GLDC: variants seen among roughly 807,000 people sequenced by gnomAD.
GLDC encodes the protein glycine dehydrogenase (decarboxylating), mitochondrial.
In GLDC, 104 loss-of-function variants were observed where a neutral mutation model predicts 121.3. That is an observed-to-expected ratio of 0.86 (90% CI 0.73 to 1.01). The LOEUF is 1.01. GLDC is among the 50% of genes least tolerant of loss of function. The pLI is 0.00. For missense variants in GLDC, 1,429 were observed against 1,306.6 expected (o/e 1.09, Z -1.44); for synonymous variants, 546 against 480.6 (o/e 1.14, Z -1.78).
intron 4 of GLDC, among the ~76,000 whole-genome samples, chr9:6,608,370 C>T (rs1430122970): frequency 1.5e-5 from 2 of 131,686 alleles, no homozygotes; most frequent in Non-Finnish European, 3.3e-5. Flanking sequence ...TGCAGTGAGC[C>T]GAGATAGCGC....
intron 21 of GLDC, among the ~76,000 whole-genome samples, chr9:6,542,744 G>C (rs1817295114): frequency 6.6e-6 from 1 of 151,892 alleles, no homozygotes; most frequent in African/African-American, 2.4e-5. Flanking sequence ...AAATTAGCTA[G>C]GTGCAGTTGT....
intron 15 of GLDC, 166 bp from the exon 16 acceptor site, chr9:6,565,595 T>G: frequency 1.4e-6 from 1 of 698,310 alleles, no homozygotes. Context: ...TCAAAAGGTC[T>G]TGAACAATCA....
chr9:6,644,977 C>T (rs752827432), intron 1 of GLDC: 2 of 610,820 alleles, frequency 3.3e-6, no homozygotes, highest in Non-Finnish European at 5.8e-6. Context: ...AAGTTTAGGT[C>T]CATCCACAGG....
At chr9:6,640,055 A>G (rs868577253) in intron 2 of GLDC, among the ~76,000 whole-genome samples, 4 of 152,274 alleles carry the variant, frequency 2.6e-5, no homozygotes, top group Non-Finnish European at 4.4e-5. Flanking sequence ...AAATCCTCAG[A>G]CAGCTTCCCT....
chr9:6,576,919 G>C (rs988070895), intron 15 of GLDC, among the ~76,000 whole-genome samples: 1 of 152,098 alleles, frequency 6.6e-6, no homozygotes, highest in Non-Finnish European at 1.5e-5. Flanking sequence ...AACATGACTT[G>C]GTAGGAAGCC....
intron 24 of GLDC, 21 bp downstream of exon 24, chr9:6,534,687 A>G (rs372931050): frequency 2.2e-6 from 3 of 1,374,862 alleles, no homozygotes; most frequent in African/African-American, 2.8e-5. Context: ...CAGCTGGCAC[A>G]TTCAGATTCA....
chr9:6,593,144 T>C, intron 9 of GLDC, 154 bp from the exon 10 acceptor site: 1 of 712,994 alleles, frequency 1.4e-6, no homozygotes, highest in Non-Finnish European at 2.5e-6. Flanking sequence ...TAAACATGTT[T>C]ATTATCATGC....
intron 15 of GLDC, among the ~76,000 whole-genome samples, chr9:6,581,004 C>G (rs1262320278): frequency 6.6e-6 from 1 of 152,174 alleles, no homozygotes; most frequent in Non-Finnish European, 1.5e-5. Context: ...ATAAAATGAC[C>G]GTATATGAAC....
intron 16 of GLDC, among the ~76,000 whole-genome samples, chr9:6,560,140 A>G (rs747228250): frequency 4.6e-5 from 7 of 152,236 alleles, no homozygotes; most frequent in Non-Finnish European, 5.9e-5. Flanking sequence ...GATGTGTCCC[A>G]GTGGGAAAGT....
At chr9:6,627,173 G>A (rs561960625) in intron 2 of GLDC, among the ~76,000 whole-genome samples, 8 of 151,638 alleles carry the variant, frequency 5.3e-5, no homozygotes, top group African/African-American at 1.5e-4. Context: ...GCGGGCACCT[G>A]TAGTCCCACC....
chr9:6,587,323 T>C (rs762045555), intron 14 of GLDC, 40 bp from the exon 15 acceptor site: 3 of 1,399,068 alleles, frequency 2.1e-6, no homozygotes, highest in South Asian at 2.3e-5. Flanking sequence ...ATACATATTA[T>C]AATAGCAATA....
chr9:6,551,647 T>C (rs1253987863), intron 20 of GLDC, among the ~76,000 whole-genome samples: 1 of 152,074 alleles, frequency 6.6e-6, no homozygotes, highest in Non-Finnish European at 1.5e-5. Context: ...TCCAGGCTGG[T>C]CAAAGAAGGG....
chr9:6,556,071 T>G (rs1444133640), intron 18 of GLDC, 82 bp downstream of exon 18: 1 of 1,227,204 alleles, frequency 8.1e-7, no homozygotes, highest in African/African-American at 1.5e-5. Flanking sequence ...GCAGGAAGCC[T>G]CTCAAGAAGT....
chr9:6,587,060 G>C (rs940411932), intron 15 of GLDC, 81 bp downstream of exon 15: 2 of 1,151,870 alleles, frequency 1.7e-6, no homozygotes, highest in African/African-American at 3.0e-5. Flanking sequence ...CAAAAAAGTT[G>C]TTGTTCTAAG....
At position 6,615,776 on chromosome 9, in the gene GLDC, AATTTTTTTTGT is replaced by A. The variant is rs1183359287; in HGVS notation, c.470+4397_470+4407del. Among the ~76,000 whole-genome samples, 4 of 151,700 alleles carry A rather than the reference AATTTTTTTTGT, an allele frequency of 2.6e-5. No homozygotes were observed. In the East Asian group the frequency reaches 7.8e-4, roughly 29 times the overall value. Reference sequence around the variant, plus strand: ...CAGGTGCCTATCACTAGGCCTGGCTAATTTTTTTTGTATTTTTTGTAGAGATAGGGTTTTGC... The same window carrying A: ...CAGGTGCCTATCACTAGGCCTGGCTAATTTTTTGTAGAGATAGGGTTTTGC... On this transcript the variant is annotated intron_variant, in intron 3 of 24. Transcript: ENST00000321612.
intron 9 of GLDC, among the ~76,000 whole-genome samples, chr9:6,593,620 A>G (rs939034880): frequency 6.6e-6 from 1 of 151,710 alleles, no homozygotes; most frequent in Non-Finnish European, 1.5e-5. Context: ...GCTTTCCTAT[A>G]GATCACTATT....
chr9:6,622,414 G>A (rs949725924), intron 2 of GLDC, among the ~76,000 whole-genome samples: 2 of 149,680 alleles, frequency 1.3e-5, no homozygotes, highest in Admixed American at 6.6e-5. Context: ...ACTGGTTTTC[G>A]TATTTTTTTG....
intron 2 of GLDC, among the ~76,000 whole-genome samples, chr9:6,631,335 G>A (rs1232510673): frequency 6.6e-6 from 1 of 152,190 alleles, no homozygotes; most frequent in Non-Finnish European, 1.5e-5. Flanking sequence ...TGAGTGAGCA[G>A]TCTCTGCAGC....
At chr9:6,608,656 G>C (rs542876002) in intron 4 of GLDC, among the ~76,000 whole-genome samples, 194 of 152,056 alleles carry the variant, frequency 1.3e-3, no homozygotes, top group Admixed American at 4.1e-3. Context: ...TGAGGCAGGA[G>C]AATGGCGTGA....
Sources: gnomAD v4.1 joint callset for allele counts (sites outside exome capture counted in the v4.1 genomes callset) on GRCh38, gnomAD v4.1.1 for gene constraint, MANE v1.5 for transcripts, NCBI Gene and HGNC (gene_info 2026-07-23, HGNC 2026-07-21) for gene names.